Variants in DNAI3 observed in about 807,000 individuals in gnomAD.
DNAI3 encodes WD repeat domain 63.
In DNAI3, 83 loss-of-function variants were observed where a neutral mutation model predicts 115.5. The observed-to-expected ratio is 0.72, with a 90% CI of 0.60 to 0.86. The LOEUF is 0.86. DNAI3 is among the 40% of genes least tolerant of loss of function. The probability of loss-of-function intolerance (pLI) is 0.00; values close to 1 mark genes in which losing one functional copy is unlikely to be tolerated. For synonymous variants in DNAI3, 320 were observed against 347.0 expected (o/e 0.92, Z 0.86); for missense variants, 1,004 against 1,075.8 (o/e 0.93, Z 0.93).
chr1:85,109,108 A>G (rs1655581428), intron 15 of DNAI3, among the ~76,000 whole-genome samples: 1 of 152,236 alleles, frequency 6.6e-6, no homozygotes, highest in Admixed American at 6.5e-5. Context: ...ACTGAAAATT[A>G]ACTGAATGAG....
intron 13 of DNAI3, among the ~76,000 whole-genome samples, chr1:85,100,346 T>C (rs1655255696): frequency 2.0e-5 from 3 of 152,176 alleles, no homozygotes; most frequent in South Asian, 4.1e-4. Context: ...AGAAGACATT[T>C]ATGCAGCCAA....
At chr1:85,079,494 T>C (rs1239281403) in intron 3 of DNAI3, among the ~76,000 whole-genome samples, 2 of 152,154 alleles carry the variant, frequency 1.3e-5, no homozygotes, top group African/African-American at 4.8e-5. Flanking sequence ...CCACATACAC[T>C]TTCCCCCTTG....
intron 10 of DNAI3, among the ~76,000 whole-genome samples, chr1:85,095,547 G>A (rs1248713292): frequency 1.3e-5 from 2 of 152,158 alleles, no homozygotes; most frequent in Non-Finnish European, 2.9e-5. Flanking sequence ...TCAGTATTCA[G>A]CAAGCAACAA....
At chr1:85,106,745 C>T (rs1557720212) in intron 14 of DNAI3, among the ~76,000 whole-genome samples, 1 of 152,160 alleles carries the variant, frequency 6.6e-6, no homozygotes, top group Non-Finnish European at 1.5e-5. Flanking sequence ...CTTTGGCCAA[C>T]TGATTTTCAA....
intron 10 of DNAI3, 147 bp from the exon 11 acceptor site, chr1:85,095,784 A>G (rs1299200478): frequency 5.5e-6 from 4 of 727,182 alleles, no homozygotes; most frequent in Non-Finnish European, 9.0e-6. Flanking sequence ...CTTTTAGTCC[A>G]GAGGCAGAAC....
chr1:85,072,115 C>A, intron 2 of DNAI3, 110 bp downstream of exon 2: 1 of 1,085,562 alleles, frequency 9.2e-7, no homozygotes, highest in Non-Finnish European at 1.3e-6. Flanking sequence ...ATTTCTGTGA[C>A]ATAAAGTCAA....
Position 85,132,626 on chromosome 1 carries a change from C to CT in DNAI3, c.2533-221dup, listed in dbSNP as rs35427350. Among the ~76,000 whole-genome samples the CT allele has an allele frequency of 1.5e-3, 234 of 151,896 alleles. 1 individual carries two copies. The highest frequency in any genetic ancestry group is 5.4e-3 in the African/African-American group (225 of 41,424). ...TAGGGAAGAAGGCCGGAAAAAGGGA[C>CT]TTTTTTTTGAGAGACAGTGGTTGGG... On this transcript the variant is annotated intron_variant, in intron 22 of 22. Transcript: ENST00000294664.
intron 22 of DNAI3, among the ~76,000 whole-genome samples, chr1:85,132,093 A>T (rs913613061): frequency 6.6e-6 from 1 of 152,350 alleles, no homozygotes; most frequent in East Asian, 1.9e-4. Flanking sequence ...TCACTAAGGA[A>T]AAACAACTAA....
At position 85,131,179 on chromosome 1, in the gene DNAI3, G is replaced by C. The variant is rs1023865455; in HGVS notation, c.2532+1067G>C. The stretch of plus-strand genomic sequence containing the variant: ...TTAGCATGTGGCACTGGGCGCCGTG[G>C]CTCACACCTGTAATCCCAGCACTTT... On this transcript the variant is annotated intron_variant, in intron 22 of 22. Transcript: ENST00000294664. Among the ~76,000 whole-genome samples, 8 of 152,256 alleles carry C rather than the reference G, an allele frequency of 5.3e-5. No homozygotes were observed. In the East Asian group the frequency reaches 1.2e-3, roughly 22 times the overall value.
Position 85,121,869 on chromosome 1 carries a change from C to T in DNAI3, c.1981+55C>T. The stretch of plus-strand genomic sequence containing the variant: ...AAGATGTTCCTTTTAATTTAAACTA[C>T]CCAAAGGAATCTCATGCAGTACAGA... On this transcript the variant is annotated intron_variant, in intron 18 of 22. Coordinates refer to ENST00000294664, the MANE Select transcript of DNAI3 (RefSeq NM_145172.5). 2.5e-6 allele frequency: 4 copies of T among 1,577,430 alleles called. No homozygotes were observed. In the East Asian group the frequency reaches 6.7e-5, roughly 26 times the overall value.
chr1:85,108,122 T>C lies in DNAI3; in HGVS notation c.1643T>C (p.Phe548Ser), dbSNP rs1655545848. 1.9e-6 allele frequency: 3 copies of C among 1,610,218 alleles called. No individual in the cohort carries two copies. The highest frequency in any genetic ancestry group is 2.5e-6 in the Non-Finnish European group (3 of 1,178,410). Residue 548 changes from phenylalanine to serine, a missense_variant, in exon 15 of 23, where the codon TTT becomes TCT. Transcript: ENST00000294664. ...AAGGAGGAAAGTATTGAAATTCCTT[T>C]TGATGTACCATCTACTTTTTTGCAT... ...KKKEESIEIP[F>S]DVPSTFLHLD...
At chr1:85,098,468 A>C in intron 12 of DNAI3, 62 bp from the exon 13 acceptor site, 2 of 1,572,096 alleles carry the variant, frequency 1.3e-6, no homozygotes. Flanking sequence ...TGATGAGTAA[A>C]GTATGAGTTC....
At chr1:85,128,873 A>C in intron 21 of DNAI3, 74 bp downstream of exon 21, 1 of 1,357,358 alleles carries the variant, frequency 7.4e-7, no homozygotes. Context: ...AAAAAATGTT[A>C]GAAATGACAG....
Position 85,094,544 on chromosome 1 carries a change from A to G in DNAI3, c.1162A>G (p.Ile388Val). 6.2e-7 allele frequency: 1 copy of G among 1,614,070 alleles called. No individual in the cohort carries two copies. Among genetic ancestry groups the G allele is most frequent in the Non-Finnish European group, 8.5e-7 (1 of 1,180,002 alleles). Reference sequence around the variant, plus strand: ...TCTTTTCTGGAGCTTCTCTGATCCTATACATCCTCAGGTAATTAGGGAGAG... The same window carrying G: ...TCTTTTCTGGAGCTTCTCTGATCCTGTACATCCTCAGGTAATTAGGGAGAG... Reference protein sequence around the residue: ...LILFWSFSDPIHPQLMLESPD... With the variant: ...LILFWSFSDPVHPQLMLESPD... Residue 388 changes from isoleucine (I) to valine (V), a missense_variant, in exon 10 of 23, where the codon ATA becomes GTA. Physicochemically the swap from Ile to Val is conservative, Grantham distance 29. Coordinates refer to ENST00000294664, the MANE Select transcript of DNAI3 (RefSeq NM_145172.5).
intron 19 of DNAI3, among the ~76,000 whole-genome samples, chr1:85,126,214 T>C (rs540893264): frequency 6.6e-6 from 1 of 152,310 alleles, no homozygotes; most frequent in South Asian, 2.1e-4. Flanking sequence ...ACAGAAATAG[T>C]CGTAAGGTTA....
chr1:85,100,575 A>G (rs1655267483), intron 13 of DNAI3, among the ~76,000 whole-genome samples: 1 of 152,152 alleles, frequency 6.6e-6, no homozygotes, highest in African/African-American at 2.4e-5. Context: ...CGATTCCTCA[A>G]GGATCTAGAA....
At chr1:85,113,946 T>C (rs151065975) in intron 16 of DNAI3, among the ~76,000 whole-genome samples, 36 of 152,260 alleles carry the variant, frequency 2.4e-4, no homozygotes, top group African/African-American at 8.4e-4. Flanking sequence ...TTGGTGCTCT[T>C]GTTAACGGTA....
chr1:85,110,281 C>T lies in DNAI3; in HGVS notation c.1786+146C>T, dbSNP rs1008082794. 1.6e-4 allele frequency: 102 copies of T among 626,546 alleles called. 1 individual carries two copies. The South Asian group carries it at 1.9e-3, about 11-fold the overall frequency. 38.8% of individuals were successfully genotyped at this position (626,546 alleles called of 1,614,324 possible). A position where few individuals can be genotyped will look rare whatever the true frequency, so the allele number is the denominator to read the frequency against. ...CCTGGCTAACACGGTGAAACCCCGT[C>T]TCTACTAAAACTACAAAAAATTAGC... On this transcript the variant is annotated intron_variant, in intron 16 of 22. Coordinates refer to ENST00000294664, the MANE Select transcript of DNAI3 (RefSeq NM_145172.5).
At chr1:85,076,151 T>A (rs555454517) in intron 3 of DNAI3, among the ~76,000 whole-genome samples, 1 of 152,222 alleles carries the variant, frequency 6.6e-6, no homozygotes, top group South Asian at 2.1e-4. Context: ...CAGCATAGCA[T>A]CTTTGAGTCA....
Sources: gnomAD v4.1 joint callset for allele counts (sites outside exome capture counted in the v4.1 genomes callset) on GRCh38, gnomAD v4.1.1 for gene constraint, MANE v1.5 for transcripts, NCBI Gene and HGNC (gene_info 2026-07-23, HGNC 2026-07-21) for gene names.